Variants in SOX6 observed in about 807,000 individuals in gnomAD.
The protein encoded by SOX6 is transcription factor SOX-6.
Under a neutral mutation model 97.8 loss-of-function variants are expected in SOX6, and 11 were observed. The ratio of observed to expected loss-of-function variants is 0.11; its 90% confidence interval spans 0.07 to 0.19. The LOEUF is 0.19. Ranked by LOEUF, SOX6 falls within the 10% of genes least tolerant of loss-of-function variation. SOX6 has a pLI of 1.00. For missense variants in SOX6, 810 were observed against 1,039.5 expected, an observed-to-expected ratio of 0.78 and a Z score of 3.04; for synonymous variants, 360 against 371.4, an observed-to-expected ratio of 0.97 and a Z score of 0.35.
At chr11:16,204,117 TA>T (rs201249305) in intron 4 of SOX6, among the ~76,000 whole-genome samples, 65 of 148,826 alleles carry the variant, frequency 4.4e-4, no homozygotes, top group African/African-American at 9.8e-4. Context: ...TATTGTCAAT[TA>T]AAAAAAAAAC....
intron 4 of SOX6, among the ~76,000 whole-genome samples, chr11:16,523,936 G>C (rs1590232917): frequency 6.6e-6 from 1 of 152,150 alleles, no homozygotes; most frequent in East Asian, 1.9e-4. Flanking sequence ...AAACCAGGAA[G>C]AAGTTGAATC....
intron 1 of SOX6, chr11:16,402,671 C>A (rs1449711516): frequency 6.2e-7 from 1 of 1,611,098 alleles, no homozygotes; most frequent in African/African-American, 1.3e-5. Context: ...CATTTTTCTT[C>A]TTTCCTTCCT....
intron 3 of SOX6, among the ~76,000 whole-genome samples, chr11:16,631,629 A>G (rs1225403877): frequency 1.3e-5 from 2 of 152,218 alleles, no homozygotes; most frequent in African/African-American, 4.8e-5. Context: ...CTACCTCTCT[A>G]GCAAGATTAG....
chr11:16,533,237 A>C (rs906457811), intron 4 of SOX6, among the ~76,000 whole-genome samples: 1 of 151,952 alleles, frequency 6.6e-6, no homozygotes, highest in Non-Finnish European at 1.5e-5. Context: ...CTTGCAATAG[A>C]AACATAGTAT....
At chr11:16,519,504 A>G (rs1388561350) in intron 4 of SOX6, among the ~76,000 whole-genome samples, 1 of 152,048 alleles carries the variant, frequency 6.6e-6, no homozygotes, top group Non-Finnish European at 1.5e-5. Context: ...AGTTCCATCG[A>G]TGTTGCTGCA....
intron 1 of SOX6, among the ~76,000 whole-genome samples, chr11:16,380,643 T>C (rs547563725): frequency 1.3e-5 from 2 of 152,232 alleles, no homozygotes; most frequent in African/African-American, 4.8e-5. Context: ...CTCATAAACT[T>C]ATTGGTGTAT....
chr11:16,061,778 G>A (rs2133929617), intron 9 of SOX6, among the ~76,000 whole-genome samples: 1 of 151,610 alleles, frequency 6.6e-6, no homozygotes, highest in Admixed American at 6.6e-5. Context: ...AAATTGATAA[G>A]AACATGTATT....
intron 1 of SOX6, among the ~76,000 whole-genome samples, chr11:16,394,191 G>A (rs868773444): frequency 1.3e-5 from 2 of 151,792 alleles, no homozygotes; most frequent in Non-Finnish European, 2.9e-5. Context: ...ATGGAAAAAG[G>A]CACCATCAGA....
intron 6 of SOX6, among the ~76,000 whole-genome samples, chr11:16,163,908 T>C (rs1850819742): frequency 6.6e-6 from 1 of 152,222 alleles, no homozygotes; most frequent in South Asian, 2.1e-4. Flanking sequence ...CTAGTTCTAC[T>C]TAAGGCCCTT....
chr11:16,639,835 T>C (rs1181483809), intron 3 of SOX6, among the ~76,000 whole-genome samples: 2 of 152,156 alleles, frequency 1.3e-5, no homozygotes, highest in East Asian at 3.9e-4. Context: ...TTTCTAGATA[T>C]ACAATCATGT....
chr11:16,521,421 C>T (rs985245246), intron 4 of SOX6, among the ~76,000 whole-genome samples: 2 of 152,152 alleles, frequency 1.3e-5, no homozygotes, highest in Admixed American at 1.3e-4. Context: ...GCTGAGGGTC[C>T]TGTCTGTTAG....
intron 4 of SOX6, among the ~76,000 whole-genome samples, chr11:16,196,961 G>A (rs1378684577): frequency 6.6e-6 from 1 of 150,582 alleles, no homozygotes; most frequent in Non-Finnish European, 1.5e-5. Context: ...AGCCTCCCAA[G>A]TAGCTGGAAC....
intron 4 of SOX6, among the ~76,000 whole-genome samples, chr11:16,195,728 A>G (rs1851754603): frequency 6.6e-6 from 1 of 152,148 alleles, no homozygotes; most frequent in South Asian, 2.1e-4. Flanking sequence ...TTCAGGCCCA[A>G]ATACAGTAAT....
chr11:16,007,400 A>T (rs573906383), intron 13 of SOX6, among the ~76,000 whole-genome samples: 1 of 152,228 alleles, frequency 6.6e-6, no homozygotes, highest in African/African-American at 2.4e-5. Flanking sequence ...ATTGACTTAA[A>T]TGTCATTAAG....
At chr11:16,527,534 C>CA (rs997075956) in intron 4 of SOX6, among the ~76,000 whole-genome samples, 17 of 152,102 alleles carry the variant, frequency 1.1e-4, no homozygotes, top group African/African-American at 4.1e-4. Flanking sequence ...TATCTTTTCC[C>CA]ACCCTTTGCC....
intron 2 of SOX6, 94 bp from the exon 3 acceptor site, chr11:16,318,747 CTTA>C (rs1177502031): frequency 1.2e-6 from 1 of 838,414 alleles, no homozygotes; most frequent in African/African-American, 1.7e-5. Flanking sequence ...GTATATGATG[CTTA>C]GTAGGACAAA....
At chr11:16,104,104 T>TA (rs1010971550) in intron 7 of SOX6, among the ~76,000 whole-genome samples, 1 of 151,958 alleles carries the variant, frequency 6.6e-6, no homozygotes, top group African/African-American at 2.4e-5. Context: ...TATAGACCTT[T>TA]AAAAAACTAG....
chr11:16,710,659 A>C (rs1158677099), intron 3 of SOX6, among the ~76,000 whole-genome samples: 1 of 152,034 alleles, frequency 6.6e-6, no homozygotes, highest in Non-Finnish European at 1.5e-5. Flanking sequence ...GGTTTCTCAG[A>C]CTCAGGCCAG....
chr11:16,037,831 C>T (rs184966968), intron 12 of SOX6, among the ~76,000 whole-genome samples: 3 of 152,266 alleles, frequency 2.0e-5, no homozygotes, highest in Admixed American at 6.5e-5. Context: ...CCACAAACAC[C>T]TACAATGGCT....
Sources: gnomAD v4.1 joint callset for allele counts (sites outside exome capture counted in the v4.1 genomes callset) on GRCh38, gnomAD v4.1.1 for gene constraint, MANE v1.5 for transcripts, NCBI Gene and HGNC (gene_info 2026-07-23, HGNC 2026-07-21) for gene names.